The following KIF11 variants were observed in gnomAD, a reference collection of about 807,000 sequenced individuals.
KIF11 encodes kinesin family member 11.
A neutral mutation model predicts 121.0 loss-of-function variants in KIF11; 9 were observed. The ratio of observed to expected loss-of-function variants is 0.07; its 90% CI spans 0.04 to 0.13. The LOEUF is 0.13. Among genes scored for constraint, KIF11 ranks in the 10% least tolerant of loss-of-function variants. KIF11 has a pLI of 1.00. For missense variants in KIF11, 846 were observed against 1,217.5 expected (o/e 0.69, Z 4.54); for synonymous variants, 408 against 421.0 (o/e 0.97, Z 0.38).
intron 10 of KIF11, among the ~76,000 whole-genome samples, chr10:92,626,572 A>G (rs1272236617): frequency 6.6e-6 from 1 of 152,170 alleles, no homozygotes; most frequent in Non-Finnish European, 1.5e-5. Context: ...AATCACAAAA[A>G]CTACAGCCAA....
At chr10:92,612,905 T>G (rs1021975857) in intron 6 of KIF11, 135 bp from the exon 7 acceptor site, 33 of 565,228 alleles carry the variant, frequency 5.8e-5, no homozygotes, top group Non-Finnish European at 9.4e-5. Flanking sequence ...TCCAAAATAT[T>G]CTTGATATCT....
chr10:92,634,543 G>A (rs1344751599), intron 14 of KIF11, among the ~76,000 whole-genome samples: 2 of 151,902 alleles, frequency 1.3e-5, no homozygotes, highest in Non-Finnish European at 2.9e-5. Flanking sequence ...CAAAGCGCTG[G>A]GATTACAGGC....
chr10:92,597,746 G>A (rs1383826636), intron 1 of KIF11, among the ~76,000 whole-genome samples: 1 of 151,804 alleles, frequency 6.6e-6, no homozygotes, highest in Admixed American at 6.6e-5. Flanking sequence ...CCGCCTCCTG[G>A]GTTCAAGCCA....
At position 92,650,493 on chromosome 10, in the gene KIF11, A is replaced by T. The variant is rs773940508; in HGVS notation, c.3015A>T (p.Ser1005=). Residue 1005 remains serine (S), a synonymous_variant, in exon 21 of 22, where the codon TCA becomes TCT. Transcript: ENST00000260731. ...PSVDAGVDCS[S]IGGVPFFQHK... Reference sequence around the variant, plus strand: ...TAGATGCTGGTGTGGATTGTTCATCAATTGGCGGGGTTCCATTTTTCCAGG... The same window carrying T: ...TAGATGCTGGTGTGGATTGTTCATCTATTGGCGGGGTTCCATTTTTCCAGG... 8.1e-6 allele frequency: 13 copies of T among 1,611,438 alleles called. No individual in the cohort carries two copies. The highest frequency in any genetic ancestry group is 1.1e-5 in the Non-Finnish European group (13 of 1,177,568).
rs192836964 is a variant in KIF11 at position 92,643,750 on chromosome 10, G to C, written c.2268-1613G>C. Among the ~76,000 whole-genome samples, 691 of 151,852 alleles carry C rather than the reference G, an allele frequency of 4.6e-3. 2 individuals carry two copies. Among genetic ancestry groups the C allele is most frequent in the Non-Finnish European group, 6.2e-3 (423 of 67,924 alleles). On this transcript the variant is annotated intron_variant, in intron 17 of 21. Transcript: ENST00000260731. ...TTTTGTATTTTTAGTAGAGACGGGG[G>C]TTTCACCATATTGGCCAGGCTAGTC...
In KIF11 at chr10:92,637,371, T is replaced by G; in HGVS notation, c.2002-16T>G. On this transcript the variant is annotated splice_polypyrimidine_tract_variant and intron_variant, in intron 15 of 21. Coordinates refer to ENST00000260731, the MANE Select transcript of KIF11 (RefSeq NM_004523.4). ...TGTGTTGTTTAAGAAGGAAACTCAT[T>G]TTTGTTTCTTCAAAGATAGAAGATC... is the stretch of plus-strand genomic sequence containing the variant. The G allele has an allele frequency of 6.3e-7, 1 of 1,578,444 alleles. No homozygotes were observed.
At chr10:92,647,650 T>G (rs1420734210) in intron 18 of KIF11, among the ~76,000 whole-genome samples, 2 of 152,180 alleles carry the variant, frequency 1.3e-5, no homozygotes, top group East Asian at 3.8e-4. Flanking sequence ...AGTAAATGGA[T>G]GAAATGATAC....
chr10:92,615,857 T>G (rs1053431105), intron 8 of KIF11, among the ~76,000 whole-genome samples: 4 of 133,320 alleles, frequency 3.0e-5, no homozygotes, highest in African/African-American at 1.1e-4. Flanking sequence ...TTTTTTTTTT[T>G]GAGATGGAGT....
At chr10:92,614,021 T>TATATACACACAC (rs1284311727) in intron 8 of KIF11, among the ~76,000 whole-genome samples, 1 of 127,054 alleles carries the variant, frequency 7.9e-6, no homozygotes, top group African/African-American at 3.2e-5. Flanking sequence ...AGTATGTGTA[T>TATATACACACAC]ACACACACAC....
chr10:92,625,865 A>G (rs1425168070), intron 10 of KIF11, among the ~76,000 whole-genome samples: 1 of 152,224 alleles, frequency 6.6e-6, no homozygotes, highest in Non-Finnish European at 1.5e-5. Context: ...GAATACAACT[A>G]ACCAGAGAGG....
chr10:92,648,319 T>C lies in KIF11; in HGVS notation c.2655T>C (p.Thr885=). 1.9e-6 allele frequency: 3 copies of C among 1,610,136 alleles called. No homozygotes were observed. The highest frequency in any genetic ancestry group is 2.6e-6 in the Non-Finnish European group (3 of 1,176,402). The change falls in exon 19 of 22, where the codon ACT becomes ACC. Residue 885 remains threonine, a synonymous_variant. Transcript: ENST00000260731. ...KQHNIFLDQM[T]IDEDKLIAQN... Reference sequence around the variant, plus strand: ...ATAACATTTTTCTTGATCAGATGACTATTGATGAAGATAAATTGATAGCAC... The same window carrying C: ...ATAACATTTTTCTTGATCAGATGACCATTGATGAAGATAAATTGATAGCAC...
intron 10 of KIF11, among the ~76,000 whole-genome samples, chr10:92,625,701 C>T (rs975972473): frequency 6.6e-6 from 1 of 152,034 alleles, no homozygotes; most frequent in African/African-American, 2.4e-5. Flanking sequence ...TCCATAAGCT[C>T]CTAGATCTGA....
At chr10:92,593,536 T>C in intron 1 of KIF11, 84 bp downstream of exon 1, 1 of 1,192,842 alleles carries the variant, frequency 8.4e-7, no homozygotes, top group Non-Finnish European at 1.2e-6. Flanking sequence ...AGGGATTTTA[T>C]TTGCATTTCC....
chr10:92,601,878 A>G (rs2135897924), intron 1 of KIF11, among the ~76,000 whole-genome samples: 1 of 152,128 alleles, frequency 6.6e-6, no homozygotes, highest in South Asian at 2.1e-4. Context: ...TCAGTCTTTG[A>G]CCATCAATTA....
At chr10:92,642,734 T>G (rs1844878677) in intron 17 of KIF11, among the ~76,000 whole-genome samples, 1 of 152,232 alleles carries the variant, frequency 6.6e-6, no homozygotes, top group Non-Finnish European at 1.5e-5. Flanking sequence ...TGTTCTGAAG[T>G]CTGTTTTGTC....
intron 10 of KIF11, among the ~76,000 whole-genome samples, chr10:92,624,478 A>G (rs1396588773): frequency 6.6e-6 from 1 of 151,582 alleles, no homozygotes; most frequent in African/African-American, 2.4e-5. Flanking sequence ...GCCTCAAGTG[A>G]TCAACTCACC....
chr10:92,634,949 C>G (rs936717673), intron 14 of KIF11, among the ~76,000 whole-genome samples: 16 of 152,210 alleles, frequency 1.1e-4, no homozygotes, highest in African/African-American at 3.9e-4. Context: ...TGTGTGGCCC[C>G]TTCTGGGCCA....
intron 9 of KIF11, among the ~76,000 whole-genome samples, chr10:92,620,360 G>A (rs527722130): frequency 2.0e-5 from 3 of 152,260 alleles, no homozygotes; most frequent in Non-Finnish European, 2.9e-5. Context: ...GATTACAGGC[G>A]TGAGCCACCG....
At chr10:92,602,807 A>AACAC (rs112100552) in intron 1 of KIF11, among the ~76,000 whole-genome samples, 32 of 137,968 alleles carry the variant, frequency 2.3e-4, no homozygotes, top group Middle Eastern at 3.7e-3. Context: ...TGGTTACTTA[A>AACAC]ACACACACAC....
Sources: gnomAD v4.1 joint callset for allele counts (sites outside exome capture counted in the v4.1 genomes callset) on GRCh38, gnomAD v4.1.1 for gene constraint, MANE v1.5 for transcripts, NCBI Gene and HGNC (gene_info 2026-07-23, HGNC 2026-07-21) for gene names.